The following KLHDC4 variants were observed in gnomAD, a reference collection of about 807,000 sequenced individuals.
KLHDC4 encodes kelch domain-containing protein 4.
Under a neutral mutation model 62.4 loss-of-function variants are expected in KLHDC4, and 90 were observed. The ratio of observed to expected loss-of-function variants is 1.44; its 90% CI spans 1.22 to 1.72. The LOEUF (loss-of-function observed/expected upper bound fraction) is 1.72. Among genes scored for constraint, KLHDC4 ranks in the 40% most tolerant of loss-of-function variants. KLHDC4 has a pLI of 0.00. For synonymous variants in KLHDC4, 386 were observed against 284.4 expected (o/e 1.36, Z -3.59); for missense variants, 1,025 against 699.7 (o/e 1.47, Z -5.25).
intron 5 of KLHDC4, among the ~76,000 whole-genome samples, chr16:87,735,017 C>G (rs990922947): frequency 2.2e-5 from 3 of 134,260 alleles, no homozygotes; most frequent in African/African-American, 9.5e-5. Context: ...CCCCTCCTGA[C>G]GAATTGCCCG....
intron 2 of KLHDC4, among the ~76,000 whole-genome samples, chr16:87,758,223 C>T (rs985444908): frequency 3.3e-5 from 5 of 152,200 alleles, no homozygotes; most frequent in African/African-American, 9.7e-5. Flanking sequence ...TCCAGCAGTT[C>T]GTTCCCAGGC....
intron 8 of KLHDC4, among the ~76,000 whole-genome samples, chr16:87,714,039 G>A (rs2036427635): frequency 6.6e-6 from 1 of 152,074 alleles, no homozygotes; most frequent in Admixed American, 6.6e-5. Flanking sequence ...CCCTGGCTGG[G>A]AAGCCCACAC....
chr16:87,721,010 T>A (rs981720405), intron 7 of KLHDC4, among the ~76,000 whole-genome samples: 8 of 152,162 alleles, frequency 5.3e-5, no homozygotes, highest in South Asian at 4.1e-4. Context: ...CCAGGGCACC[T>A]TCCCATCCAC....
rs535486303 is a variant in KLHDC4, at chr16:87,735,225, G to A, written c.507-4581C>T. ...TGAGGCAGGAGAATGGCGTGAACCC[G>A]GGAGGCGGAGCTTGCAGTGAGCAGA... On this transcript the variant is annotated intron_variant, in intron 5 of 11. Coordinates refer to ENST00000270583, the MANE Select transcript of KLHDC4 (RefSeq NM_017566.4). Among the ~76,000 whole-genome samples, 8 of 151,796 alleles carry A rather than the reference G, an allele frequency of 5.3e-5. No individual in the cohort carries two copies. In the East Asian group the frequency reaches 1.2e-3, roughly 22 times the overall value.
chr16:87,730,529 A>AT (rs2040161149), intron 6 of KLHDC4, 23 bp downstream of exon 6: 1 of 1,586,296 alleles, frequency 6.3e-7, no homozygotes. Context: ...GGAGAGAAAG[A>AT]TTTTTCCGTT....
In KLHDC4 at chr16:87,756,478, C is replaced by G. The variant is rs781596319; in HGVS notation, c.192-1G>C. 3 of 1,612,854 alleles carry G rather than the reference C, an allele frequency of 1.9e-6. No individual in the cohort carries two copies. In the South Asian group the frequency reaches 3.3e-5, roughly 18 times the overall value. ...ATGAACCGAGAGGGAGGCATTTAAC[C>G]TACAAGACACACAAGCGGCAGGTCA... On this transcript the variant is annotated splice_acceptor_variant, in intron 2 of 11. Coordinates refer to ENST00000270583, the MANE Select transcript of KLHDC4 (RefSeq NM_017566.4). LOFTEE classifies it high-confidence loss of function.
intron 6 of KLHDC4, 101 bp downstream of exon 6, chr16:87,730,451 G>A (rs1286051941): frequency 5.1e-6 from 5 of 985,270 alleles, no homozygotes; most frequent in African/African-American, 3.3e-5. Flanking sequence ...GGATTTGGGA[G>A]GATGGGTGCG....
chr16:87,741,876 C>A (rs2042292533), intron 5 of KLHDC4, among the ~76,000 whole-genome samples: 3 of 152,162 alleles, frequency 2.0e-5, no homozygotes, highest in Admixed American at 6.5e-5. Flanking sequence ...AAAAAATATT[C>A]ACTAAAAAAT....
chr16:87,718,401 G>A (rs558092618), intron 7 of KLHDC4, among the ~76,000 whole-genome samples: 30 of 120,690 alleles, frequency 2.5e-4, no homozygotes, highest in East Asian at 1.0e-3. Context: ...CTCTCTCCAC[G>A]GTCTCCCTCT....
intron 7 of KLHDC4, among the ~76,000 whole-genome samples, chr16:87,717,170 G>A (rs774769682): frequency 6.6e-6 from 1 of 152,138 alleles, no homozygotes; most frequent in Non-Finnish European, 1.5e-5. Context: ...GGCAGAGGCT[G>A]CAGTGAGCCA....
At chr16:87,716,315 C>T (rs1293468380) in intron 7 of KLHDC4, among the ~76,000 whole-genome samples, 7 of 151,764 alleles carry the variant, frequency 4.6e-5, no homozygotes, top group African/African-American at 4.8e-5. Flanking sequence ...TTTGGGTACA[C>T]GCTATGGTCT....
rs1268055017 is a variant in KLHDC4, at chr16:87,707,895, C to T, written c.*182G>A. The T allele has an allele frequency of 2.2e-6, 1 of 454,842 alleles. No homozygotes were observed. Among genetic ancestry groups the T allele is most frequent in the Admixed American group, 2.4e-5 (1 of 42,398 alleles). 28.2% of individuals were successfully genotyped at this position (454,842 alleles called of 1,614,324 possible). A position where few individuals can be genotyped will look rare whatever the true frequency, so the allele number is the denominator to read the frequency against. ...GCACTGCACTCAGTTGAACTTCCGG[C>T]CCAGTGCCGCGTCAGAGACTAAACC... On this transcript the variant is annotated 3_prime_UTR_variant, in exon 12 of 12. Transcript: ENST00000270583.
chr16:87,729,334 C>T (rs1450485596), intron 6 of KLHDC4: 1 of 152,242 alleles, frequency 6.6e-6, no homozygotes, highest in South Asian at 2.1e-4. Flanking sequence ...GTGAGTGGCA[C>T]CTTCACATCA....
intron 7 of KLHDC4, among the ~76,000 whole-genome samples, chr16:87,725,314 C>T (rs745704896): frequency 1.7e-4 from 26 of 152,256 alleles, no homozygotes; most frequent in African/African-American, 4.3e-4. Flanking sequence ...TACAGGCGCC[C>T]GCCACCACGC....
intron 5 of KLHDC4, among the ~76,000 whole-genome samples, chr16:87,736,515 A>G (rs1294635333): frequency 6.6e-6 from 1 of 152,160 alleles, no homozygotes. Flanking sequence ...AGCCAGGGAG[A>G]GCCGTGTGCA....
exon 1 of KLHDC4, chr16:87,698,677 A>T (rs2034004410): frequency 6.6e-6 from 1 of 152,210 alleles, no homozygotes; most frequent in South Asian, 2.1e-4. Flanking sequence ...CAAGGCTAAA[A>T]TGCCCCGGGT....
intron 7 of KLHDC4, among the ~76,000 whole-genome samples, chr16:87,718,690 T>C (rs12918611): frequency 0.058 from 8,601 of 148,916 alleles, 315 homozygotes; most frequent in South Asian, 0.16. Context: ...CCGCCCATCG[T>C]CTGGGATGTG....
At chr16:87,731,043 A>G (rs936067223) in intron 5 of KLHDC4, 1 of 128,424 alleles carries the variant, frequency 7.8e-6, no homozygotes, top group African/African-American at 2.9e-5. Context: ...TACATACAGA[A>G]TTCTTTTTTT....
At chr16:87,737,313 G>C (rs900072094) in intron 5 of KLHDC4, among the ~76,000 whole-genome samples, 5 of 149,666 alleles carry the variant, frequency 3.3e-5, no homozygotes, top group African/African-American at 1.2e-4. Context: ...CTAGGCCAGG[G>C]GCGGTGGCTC....
Sources: allele counts gnomAD v4.1 joint callset (sites outside exome capture counted in the v4.1 genomes callset), GRCh38; gene constraint gnomAD v4.1.1; transcripts MANE v1.5; gene names NCBI Gene and HGNC (gene_info 2026-07-23, HGNC 2026-07-21).